Variants in VWA5B2 observed in about 807,000 individuals in gnomAD.
The protein encoded by VWA5B2 is von Willebrand factor A domain containing 5B2.
VWA5B2 carries 93 observed loss-of-function variants against 118.5 expected under a neutral mutation model. The observed-to-expected ratio is 0.79, with a 90% CI of 0.66 to 0.93. The LOEUF is 0.93. VWA5B2 is among the 40% of genes least tolerant of loss of function. The pLI, the probability that VWA5B2 is intolerant of heterozygous loss-of-function variation, is 0.00. For missense variants in VWA5B2, 1,546 were observed against 1,672.8 expected, an observed-to-expected ratio of 0.92 and a Z score of 1.32; for synonymous variants, 708 against 716.3, an observed-to-expected ratio of 0.99 and a Z score of 0.19.
chr3:184,233,330 G>C lies in VWA5B2; in HGVS notation c.463G>C (p.Val155Leu). The change falls in exon 4 of 20, where the codon GTG becomes CTG. Residue 155 changes from valine (V) to leucine (L), a missense_variant. Physicochemically the swap from Val to Leu is conservative, Grantham distance 32. Transcript: ENST00000691901. The surrounding 1 kb of genome is among the most constrained non-coding windows in gnomAD (Gnocchi z 5.2). Reference sequence around the variant, plus strand: ...GGTGCTGCATGTGGCCCTGCCCACTGTGCTCACCCCGCTGGCCCCGCCAGG... The same window carrying C: ...GGTGCTGCATGTGGCCCTGCCCACTCTGCTCACCCCGCTGGCCCCGCCAGG... ...DGVLHVALPT[V>L]LTPLAPPGPP... 4.6e-6 allele frequency: 7 copies of C among 1,537,548 alleles called. No homozygotes were observed. Among genetic ancestry groups the C allele is most frequent in the Non-Finnish European group, 6.1e-6 (7 of 1,141,002 alleles).
Position 184,230,684 on chromosome 3 carries a change from G to C in VWA5B2, c.139+17G>C, listed in dbSNP as rs1272514917. The stretch of plus-strand genomic sequence containing the variant: ...CGGTGGACGGTGAGGCCCGGGTGGG[G>C]CGCGGGCGCGGCGGGGGGTGCGCCG... On this transcript the variant is annotated intron_variant, in intron 2 of 19. Transcript: ENST00000691901. The C allele has an allele frequency of 8.1e-7, 1 of 1,235,700 alleles. No homozygotes were observed. Among genetic ancestry groups the C allele is most frequent in the Non-Finnish European group, 1.0e-6 (1 of 991,454 alleles). 76.5% of individuals were successfully genotyped at this position (1,235,700 alleles called of 1,614,324 possible).
intron 8 of VWA5B2, 21 bp downstream of exon 8, chr3:184,235,329 G>T: frequency 6.5e-7 from 1 of 1,549,206 alleles, no homozygotes; most frequent in Non-Finnish European, 8.7e-7. Flanking sequence ...GTGTGGTGTG[G>T]GCAGGCCTGG....
chr3:184,232,277 T>A (rs1415830939), intron 3 of VWA5B2, among the ~76,000 whole-genome samples: 1 of 152,106 alleles, frequency 6.6e-6, no homozygotes, highest in Non-Finnish European at 1.5e-5. Context: ...GATCCCCACT[T>A]TATGGATGAG....
At chr3:184,231,833 T>C (rs983034711) in intron 3 of VWA5B2, among the ~76,000 whole-genome samples, 1 of 152,178 alleles carries the variant, frequency 6.6e-6, no homozygotes, top group African/African-American at 2.4e-5. Flanking sequence ...TCCAGTGGTG[T>C]TGAGAGCTGG....
In VWA5B2 at chr3:184,234,139, G is replaced by A. The variant is rs559875420; in HGVS notation, c.689-127G>A. On this transcript the variant is annotated intron_variant, in intron 5 of 19. Transcript: ENST00000691901. The stretch of plus-strand genomic sequence containing the variant: ...CATGAAAGCAGGCACATCCTCCCTC[G>A]TCCATCTGACCCCATATAGATCAGA... 4.4e-5 allele frequency: 54 copies of A among 1,219,394 alleles called. No homozygotes were observed. The African/African-American group carries it at 6.0e-4, about 14-fold the overall frequency. The allele number at this position is 1,219,394 out of a possible 1,614,324, so 75.5% of individuals were successfully genotyped here.
At chr3:184,234,838 T>A in intron 7 of VWA5B2, 83 bp downstream of exon 7, 1 of 1,535,708 alleles carries the variant, frequency 6.5e-7, no homozygotes, top group Non-Finnish European at 8.8e-7. Context: ...TACATTGGAA[T>A]GGGTGCGGGG....
Position 184,241,858 on chromosome 3 carries a change from C to G in VWA5B2, c.3549C>G (p.Ala1183=). The change falls in exon 20 of 20, where the codon GCC becomes GCG. Residue 1183 remains alanine (A), a synonymous_variant. Transcript: ENST00000691901. The surrounding 1 kb of genome is among the most constrained non-coding windows in gnomAD (Gnocchi z 5.1). ...GGCTGGAGCACCGATGCGCCGCTGC[C>G]TTCGACGAGTGGGAACTGACAGCGG... The part of the protein sequence containing the change: ...LAWLEHRCAA[A]FDEWELTAAK... The G allele has an allele frequency of 6.5e-7, 1 of 1,543,406 alleles. No individual in the cohort carries two copies. Among genetic ancestry groups the G allele is most frequent in the Admixed American group, 2.0e-5 (1 of 50,840 alleles).
In VWA5B2 at chr3:184,238,329, G is replaced by A. The variant is rs965389058; in HGVS notation, c.1746G>A (p.Ser582=). 17 of 1,541,418 alleles carry A rather than the reference G, an allele frequency of 1.1e-5. No homozygotes were observed. The highest frequency in any genetic ancestry group is 6.0e-5 in the Admixed American group (3 of 49,848). The change falls in exon 13 of 20, where the codon TCG becomes TCA. Residue 582 remains serine, a synonymous_variant. Transcript: ENST00000691901. This position sits in a 1 kb window ranked among gnomAD's most constrained non-coding sequence, Gnocchi z 5.0. The part of the protein sequence containing the change: ...PGGQEPGWQS[S]GGSVFPSPEE... ...GCCAAGAGCCTGGCTGGCAGAGCTC[G>A]GGTGGGTCCGTGTTTCCATCCCCAG... is the stretch of plus-strand genomic sequence containing the variant.
In VWA5B2 at chr3:184,234,301, G is replaced by GC. The variant is rs770124856; in HGVS notation, c.731dup (p.His245SerfsTer19). 6.4e-6 allele frequency: 10 copies of GC among 1,551,598 alleles called. No homozygotes were observed. The highest frequency in any genetic ancestry group is 3.6e-5 in the South Asian group (3 of 84,062). The stretch of plus-strand genomic sequence containing the variant: ...CCCCTCTCATGCTCTGCGGGCAGAT[G>GC]CCCCCCCTCATGCCAGCTCTGCAGC... On this transcript the variant is annotated frameshift_variant, in exon 6 of 20. Transcript: ENST00000691901. LOFTEE classifies it high-confidence loss of function.
chr3:184,235,629 C>T (rs1374274155), intron 8 of VWA5B2, among the ~76,000 whole-genome samples: 1 of 151,772 alleles, frequency 6.6e-6, no homozygotes, highest in Non-Finnish European at 1.5e-5. Flanking sequence ...TTCATGTGTA[C>T]CTCCAGAGTC....
rs764056227 is a variant in VWA5B2, at chr3:184,238,305, C to T, written c.1722C>T (p.Gly574=). The T allele has an allele frequency of 1.7e-5, 26 of 1,513,290 alleles. No homozygotes were observed. The highest frequency in any genetic ancestry group is 2.3e-5 in the Non-Finnish European group (26 of 1,126,256). The allele number at this position is 1,513,290 out of a possible 1,614,324, so 93.7% of individuals were successfully genotyped here. ...TTTCCCAATAATATTCTCTCTAGGG[C>T]CAAGAGCCTGGCTGGCAGAGCTCGG... is the stretch of plus-strand genomic sequence containing the variant. ...VDGFRSRPPG[G]QEPGWQSSGG... The change falls in exon 13 of 20, where the codon GGC becomes GGT. Residue 574 remains glycine, a splice_region_variant and synonymous_variant. Transcript: ENST00000691901. The surrounding 1 kb of genome is among the most constrained non-coding windows in gnomAD (Gnocchi z 5.0).
At chr3:184,231,006 T>G in intron 3 of VWA5B2, 89 bp downstream of exon 3, 1 of 1,193,340 alleles carries the variant, frequency 8.4e-7, no homozygotes, top group Non-Finnish European at 1.0e-6. Flanking sequence ...GTCCCCCGCC[T>G]TCCTCCGGGC....
At position 184,233,474 on chromosome 3, in the gene VWA5B2, G is replaced by T; in HGVS notation, c.530+77G>T. On this transcript the variant is annotated intron_variant, in intron 4 of 19. Coordinates refer to ENST00000691901, the MANE Select transcript of VWA5B2 (RefSeq NM_001390846.1). The surrounding 1 kb of genome is among the most constrained non-coding windows in gnomAD (Gnocchi z 5.2). ...GTGCGGGTGAGGGGGCACTGGCAGG[G>T]TACCCAGGGATGGGAAGGGTGAGGA... 1 of 1,504,520 alleles carries T rather than the reference G, an allele frequency of 6.6e-7. No individual in the cohort carries two copies. 93.2% of individuals were successfully genotyped at this position (1,504,520 alleles called of 1,614,324 possible).
At chr3:184,235,886 A>T (rs1717924970) in intron 8 of VWA5B2, among the ~76,000 whole-genome samples, 1 of 148,520 alleles carries the variant, frequency 6.7e-6, no homozygotes, top group Non-Finnish European at 1.5e-5. Context: ...TCCCACACAC[A>T]GTCATGTATA....
At position 184,242,184 on chromosome 3, in the gene VWA5B2, GCC is replaced by G; in HGVS notation, c.*150_*151del. 9.1e-7 allele frequency: 1 copy of G among 1,093,488 alleles called. No homozygotes were observed. Among genetic ancestry groups the G allele is most frequent in the Non-Finnish European group, 1.3e-6 (1 of 772,192 alleles). 67.7% of individuals were successfully genotyped at this position (1,093,488 alleles called of 1,614,324 possible). ...CTTACTCCCTCCCTAGAGCCCTCTTGCCCCCACAAAAAGTGCCTGCCTGTGCT... is the reference window on the plus strand; with the variant it reads ...CTTACTCCCTCCCTAGAGCCCTCTTGCCCACAAAAAGTGCCTGCCTGTGCT... On this transcript the variant is annotated 3_prime_UTR_variant, in exon 20 of 20. Transcript: ENST00000691901.
rs1695771134 is a variant in VWA5B2 at position 184,238,964 on chromosome 3, T to G, written c.2202+91T>G. The G allele has an allele frequency of 1.1e-5, 15 of 1,306,996 alleles. No homozygotes were observed. Among genetic ancestry groups the G allele is most frequent in the Non-Finnish European group, 1.5e-5 (15 of 972,916 alleles). 81.0% of individuals were successfully genotyped at this position (1,306,996 alleles called of 1,614,324 possible). A position where few individuals can be genotyped will look rare whatever the true frequency, so the allele number is the denominator to read the frequency against. On this transcript the variant is annotated intron_variant, in intron 14 of 19. Transcript: ENST00000691901. The surrounding 1 kb of genome is among the most constrained non-coding windows in gnomAD (Gnocchi z 5.0). ...CCAGATATTATGTAGAGTTTACTAT[T>G]AAGTCTAGCTAGAGAGAAAGGTGGG...
chr3:184,233,631 G>A lies in VWA5B2; in HGVS notation c.586G>A (p.Glu196Lys), dbSNP rs569695234. The A allele has an allele frequency of 7.7e-6, 12 of 1,551,308 alleles. No individual in the cohort carries two copies. The East Asian group carries it at 2.7e-4, about 35-fold the overall frequency. ...TCAGGAGGAAGGGCTGGCCTGGGAGGAGCTGGCTGCCCCTCGGGACGTGTT... is the reference window on the plus strand; with the variant it reads ...TCAGGAGGAAGGGCTGGCCTGGGAGAAGCTGGCTGCCCCTCGGGACGTGTT... ...SLQEEGLAWE[E>K]LAAPRDVFSG... The change falls in exon 5 of 20, where the codon GAG becomes AAG. Residue 196 changes from glutamate (E) to lysine (K), a missense_variant. Glu to Lys is a moderately conservative substitution (Grantham distance 56). Transcript: ENST00000691901. This position sits in a 1 kb window ranked among gnomAD's most constrained non-coding sequence, Gnocchi z 5.2.
Position 184,230,474 on chromosome 3 carries a change from T to C in VWA5B2, c.-55T>C. 7.2e-7 allele frequency: 1 copy of C among 1,388,008 alleles called. No individual in the cohort carries two copies. Among genetic ancestry groups the C allele is most frequent in the Non-Finnish European group, 9.3e-7 (1 of 1,080,802 alleles). 86.0% of individuals were successfully genotyped at this position (1,388,008 alleles called of 1,614,324 possible). A position where few individuals can be genotyped will look rare whatever the true frequency, so the allele number is the denominator to read the frequency against. On this transcript the variant is annotated 5_prime_UTR_variant, in exon 2 of 20. Coordinates refer to ENST00000691901, the MANE Select transcript of VWA5B2 (RefSeq NM_001390846.1). ...TCTGGAGCGCGGGGTGGGCGTCCCGTCACCCTGCGCCCAGCTTCCCCGGCC... is the reference window on the plus strand; with the variant it reads ...TCTGGAGCGCGGGGTGGGCGTCCCGCCACCCTGCGCCCAGCTTCCCCGGCC...
chr3:184,241,473 A>G lies in VWA5B2; in HGVS notation c.3181-17A>G, dbSNP rs1488547501. The G allele has an allele frequency of 2.6e-6, 4 of 1,549,020 alleles. No individual in the cohort carries two copies. The highest frequency in any genetic ancestry group is 3.5e-6 in the Non-Finnish European group (4 of 1,144,536). ...GCTGTTTCAGCTCGCTTCTCCCCCCACCTCCTCTCTCCTCAGGTGCGGCTG... is the reference window on the plus strand; with the variant it reads ...GCTGTTTCAGCTCGCTTCTCCCCCCGCCTCCTCTCTCCTCAGGTGCGGCTG... On this transcript the variant is annotated splice_polypyrimidine_tract_variant and intron_variant, in intron 19 of 19. Transcript: ENST00000691901. The surrounding 1 kb of genome is among the most constrained non-coding windows in gnomAD (Gnocchi z 5.1).
Sources: gnomAD v4.1 joint callset for allele counts (sites outside exome capture counted in the v4.1 genomes callset) on GRCh38, gnomAD v4.1.1 for gene constraint, Gnocchi (gnomAD v3.1) non-coding constraint, MANE v1.5 for transcripts, NCBI Gene and HGNC (gene_info 2026-07-23, HGNC 2026-07-21) for gene names.